Variants in DYSF observed in about 807,000 individuals in gnomAD.
The protein encoded by DYSF is dystrophy-associated fer-1-like 1.
In DYSF, 212 loss-of-function variants were observed where a neutral mutation model predicts 274.9. The ratio of observed to expected loss-of-function variants is 0.77; its 90% confidence interval spans 0.69 to 0.86. The LOEUF (loss-of-function observed/expected upper bound fraction) is 0.86, where lower values mean the gene tolerates loss of function less well. Ranked by LOEUF, DYSF falls within the 40% of genes least tolerant of loss-of-function variation. The pLI, the probability that DYSF is intolerant of heterozygous loss-of-function variation, is 0.00. For missense variants in DYSF, 2,666 were observed against 2,783.2 expected (o/e 0.96, Z 0.95); for synonymous variants, 1,091 against 1,078.7 (o/e 1.01, Z -0.22).
At position 71,561,842 on chromosome 2, in the gene DYSF, C is replaced by T. The variant is rs1362291501; in HGVS notation, c.2307C>T (p.Ile769=). 6.2e-7 allele frequency: 1 copy of T among 1,614,214 alleles called. No homozygotes were observed. Among genetic ancestry groups the T allele is most frequent in the South Asian group, 1.1e-5 (1 of 91,086 alleles). ...YQLRTHHLSQ[I]TEAALALKLG... Reference sequence around the variant, plus strand: ...TGCGCACCCATCACCTGAGCCAAATCACTGAGGCTGCCCTGGCCCTGAAGC... The same window carrying T: ...TGCGCACCCATCACCTGAGCCAAATTACTGAGGCTGCCCTGGCCCTGAAGC... Residue 769 remains isoleucine (I), a synonymous_variant, in exon 23 of 56, where the codon ATC becomes ATT. Transcript: ENST00000410020.
chr2:71,511,994 G>A, intron 5 of DYSF, 73 bp downstream of exon 5: 2 of 984,404 alleles, frequency 2.0e-6, no homozygotes, highest in African/African-American at 1.6e-5. Context: ...TGGGGGCTGG[G>A]AGCTGCAGCG....
chr2:71,552,971 TG>T (rs1197764654), intron 19 of DYSF, 39 bp from the exon 20 acceptor site: 1 of 1,612,292 alleles, frequency 6.2e-7, no homozygotes, highest in Admixed American at 1.7e-5. Context: ...TGCCTTTCTT[TG>T]CTCCTCCCGT....
At chr2:71,676,104 T>C (rs1359242517) in intron 52 of DYSF, among the ~76,000 whole-genome samples, 1 of 152,210 alleles carries the variant, frequency 6.6e-6, no homozygotes, top group Non-Finnish European at 1.5e-5. Context: ...ATCTCCAGGT[T>C]TCCCAATGTG....
intron 47 of DYSF, among the ~76,000 whole-genome samples, chr2:71,666,307 G>C (rs1249700338): frequency 6.6e-6 from 1 of 152,240 alleles, no homozygotes; most frequent in African/African-American, 2.4e-5. Context: ...TTACAGATGA[G>C]GCTGGTAAGA....
intron 17 of DYSF, among the ~76,000 whole-genome samples, chr2:71,549,553 G>A (rs549885993): frequency 2.0e-5 from 3 of 151,908 alleles, no homozygotes; most frequent in South Asian, 2.1e-4. Context: ...GTCACCTCTC[G>A]GCCTCTGTGG....
At chr2:71,671,143 G>C (rs950880044) in intron 51 of DYSF, among the ~76,000 whole-genome samples, 8 of 152,098 alleles carry the variant, frequency 5.3e-5, no homozygotes, top group African/African-American at 1.4e-4. Context: ...AATGTTCCGC[G>C]GAACATTCTG....
intron 1 of DYSF, among the ~76,000 whole-genome samples, chr2:71,477,684 A>G (rs1296241859): frequency 6.6e-6 from 1 of 152,254 alleles, no homozygotes; most frequent in East Asian, 1.9e-4. Flanking sequence ...TACGTGGGTG[A>G]AAGATTCATT....
chr2:71,552,951 C>A, intron 19 of DYSF, 60 bp from the exon 20 acceptor site: 2 of 1,590,320 alleles, frequency 1.3e-6, no homozygotes, highest in South Asian at 2.2e-5. Flanking sequence ...TGTCCCCTCC[C>A]CAGCCTGGGT....
At chr2:71,496,323 C>T (rs1344358417) in intron 3 of DYSF, among the ~76,000 whole-genome samples, 7 of 152,178 alleles carry the variant, frequency 4.6e-5, no homozygotes, top group African/African-American at 7.2e-5. Context: ...TGGGAGGCCA[C>T]GCTGTGCAGG....
intron 54 of DYSF, 137 bp from the exon 55 acceptor site, chr2:71,682,392 GT>G (rs1393915988): frequency 3.7e-6 from 4 of 1,077,882 alleles, no homozygotes; most frequent in Non-Finnish European, 5.7e-6. Context: ...CAAAGGGCTA[GT>G]TTAGGGACAG....
At chr2:71,462,992 C>T (rs1454991970), upstream of DYSF, among the ~76,000 whole-genome samples, 1 of 152,220 alleles carries the variant, frequency 6.6e-6, no homozygotes, top group African/African-American at 2.4e-5. Flanking sequence ...GGCAGCCCAG[C>T]CCCCAGGCTT....
intron 41 of DYSF, 61 bp from the exon 42 acceptor site, chr2:71,643,904 T>TCC (rs2094526376): frequency 2.2e-6 from 3 of 1,375,222 alleles, no homozygotes; most frequent in Non-Finnish European, 3.1e-6. Context: ...TTTCCAACTC[T>TCC]GAAGAATGCT....
At chr2:71,531,393 A>G (rs1245733109) in intron 14 of DYSF, among the ~76,000 whole-genome samples, 1 of 152,110 alleles carries the variant, frequency 6.6e-6, no homozygotes, top group Non-Finnish European at 1.5e-5. Context: ...ATTTGTGGAC[A>G]CTTTCAGGGC....
rs1167335922 is a variant in DYSF, at chr2:71,568,252, G to A, written c.2778G>A (p.Thr926=). 1.2e-5 allele frequency: 20 copies of A among 1,614,220 alleles called. No individual in the cohort carries two copies. The highest frequency in any genetic ancestry group is 1.0e-5 in the Non-Finnish European group (12 of 1,180,050). ...CCTACCCCAAGTTTTCTGACGTCAC[G>A]GGCAAGATCAAGCTACCCAAGGACA... ...GLTYPKFSDV[T]GKIKLPKDSF... The change falls in exon 26 of 56, where the codon ACG becomes ACA. Residue 926 remains threonine (T), a synonymous_variant. Transcript: ENST00000410020.
At chr2:71,462,310 A>G (rs1001791244), upstream of DYSF, among the ~76,000 whole-genome samples, 15 of 152,154 alleles carry the variant, frequency 9.9e-5, no homozygotes, top group African/African-American at 3.4e-4. Context: ...CGGCTGGGCC[A>G]GGCATACTGG....
chr2:71,574,930 A>G (rs2092650597), intron 30 of DYSF, among the ~76,000 whole-genome samples: 1 of 152,158 alleles, frequency 6.6e-6, no homozygotes, highest in Admixed American at 6.5e-5. Context: ...GGGCTCCCCA[A>G]AAGAGACGAG....
At chr2:71,612,207 A>G (rs2093778772) in intron 38 of DYSF, among the ~76,000 whole-genome samples, 1 of 152,142 alleles carries the variant, frequency 6.6e-6, no homozygotes, top group African/African-American at 2.4e-5. Flanking sequence ...CCTGAAGGAG[A>G]GCATATAAAT....
At chr2:71,679,746 C>T (rs1327001417) in intron 53 of DYSF, among the ~76,000 whole-genome samples, 1 of 152,260 alleles carries the variant, frequency 6.6e-6, no homozygotes, top group South Asian at 2.1e-4. Flanking sequence ...GGCAGCCAGC[C>T]AACCCTGAAA....
chr2:71,685,793 A>G (rs2095349591), intron 55 of DYSF, among the ~76,000 whole-genome samples: 1 of 152,132 alleles, frequency 6.6e-6, no homozygotes, highest in African/African-American at 2.4e-5. Flanking sequence ...GCTGGGGAAC[A>G]TACTGTCCCA....
Sources: allele counts gnomAD v4.1 joint callset (sites outside exome capture counted in the v4.1 genomes callset), GRCh38; gene constraint gnomAD v4.1.1; transcripts MANE v1.5; gene names NCBI Gene and HGNC (gene_info 2026-07-23, HGNC 2026-07-21).